Variants in MTSS1 observed in about 807,000 individuals in gnomAD.
MTSS1 encodes the protein protein MTSS 1.
MTSS1 carries 18 observed loss-of-function variants against 79.0 expected under a neutral mutation model. The ratio of observed to expected loss-of-function variants is 0.23; its 90% CI spans 0.16 to 0.34. MTSS1 has a LOEUF of 0.34. MTSS1 is among the 10% of genes least tolerant of loss of function. The pLI is 1.00. For missense variants in MTSS1, 815 were observed against 986.2 expected (o/e 0.83, Z 2.33); for synonymous variants, 341 against 368.6 (o/e 0.93, Z 0.86).
rs552217705 is a variant in MTSS1 at position 124,728,007 on chromosome 8, C to A, written c.-52G>T. The A allele has an allele frequency of 6.7e-5, 103 of 1,542,482 alleles. 2 individuals are homozygous for A. In the South Asian group the frequency reaches 1.1e-3, roughly 16 times the overall value. The stretch of plus-strand genomic sequence containing the variant: ...ACACACGCGGGGCCGCTGGACTGCG[C>A]GCGGGGCCGGGGCTCGCTCACCCCA... On this transcript the variant is annotated 5_prime_UTR_variant, in exon 1 of 14. Transcript: ENST00000518547. This position sits in a 1 kb window ranked among gnomAD's most constrained non-coding sequence, Gnocchi z 6.1.
chr8:124,634,254 C>T (rs781560453), intron 3 of MTSS1, among the ~76,000 whole-genome samples: 13 of 151,484 alleles, frequency 8.6e-5, no homozygotes, highest in Middle Eastern at 3.4e-3. Context: ...GGACTACAGG[C>T]GCACACCATC....
At chr8:124,661,827 G>A (rs957470120) in intron 3 of MTSS1, among the ~76,000 whole-genome samples, 2 of 152,190 alleles carry the variant, frequency 1.3e-5, no homozygotes, top group Non-Finnish European at 2.9e-5. Context: ...TTCAGGACCT[G>A]TCACACTGTA....
chr8:124,692,924 T>C lies in MTSS1; in HGVS notation c.208+6602A>G, dbSNP rs1828195286. ...GAGTTCCTCAGGAAGGAGCAGGTCC[T>C]GTTAGAGGTGTCTCCAATCTGGTGG... On this transcript the variant is annotated intron_variant, in intron 3 of 13. Coordinates refer to ENST00000518547, the MANE Select transcript of MTSS1 (RefSeq NM_014751.6). Among the ~76,000 whole-genome samples, 3 of 152,116 alleles carry C rather than the reference T, an allele frequency of 2.0e-5. No individual in the cohort carries two copies. The South Asian group carries it at 6.2e-4, about 32-fold the overall frequency.
Position 124,591,146 on chromosome 8 carries a change from C to G in MTSS1, c.293+5G>C, listed in dbSNP as rs375527102. On this transcript the variant is annotated splice_donor_5th_base_variant and intron_variant, in intron 4 of 13. Transcript: ENST00000518547. ...TGGCGATCGGGGCCAAAACATGCTC[C>G]TCACCTCGAAAACTGCCTCAGCTTG... 1.7e-5 allele frequency: 28 copies of G among 1,613,984 alleles called. No individual in the cohort carries two copies. The African/African-American group carries it at 3.6e-4, about 21-fold the overall frequency.
At chr8:124,592,916 A>G (rs1259701420) in intron 3 of MTSS1, among the ~76,000 whole-genome samples, 1 of 152,224 alleles carries the variant, frequency 6.6e-6, no homozygotes, top group Non-Finnish European at 1.5e-5. Flanking sequence ...AAATGTCTCC[A>G]GAGAGTACCA....
chr8:124,725,074 C>T (rs972790462), intron 1 of MTSS1, among the ~76,000 whole-genome samples: 2 of 152,206 alleles, frequency 1.3e-5, no homozygotes, highest in East Asian at 1.9e-4. Flanking sequence ...GTAGAATAAA[C>T]GGGAAACAAA....
chr8:124,666,505 C>A (rs1823112929), intron 3 of MTSS1, among the ~76,000 whole-genome samples: 1 of 152,182 alleles, frequency 6.6e-6, no homozygotes, highest in African/African-American at 2.4e-5. Context: ...CAAGCCACGA[C>A]AAAGAGGCTT....
chr8:124,606,139 C>A (rs1834814817), intron 3 of MTSS1, among the ~76,000 whole-genome samples: 1 of 143,834 alleles, frequency 7.0e-6, no homozygotes, highest in Non-Finnish European at 1.5e-5. Flanking sequence ...CCATGCCCAG[C>A]TAATTTTTGT....
rs965321153 is a variant in MTSS1, at chr8:124,557,852, A to G, written c.1059T>C (p.Tyr353=). The G allele has an allele frequency of 9.5e-6, 15 of 1,585,438 alleles. No homozygotes were observed. Among genetic ancestry groups the G allele is most frequent in the Non-Finnish European group, 1.1e-5 (13 of 1,164,658 alleles). Residue 353 remains tyrosine, a synonymous_variant, in exon 11 of 14, where the codon TAT becomes TAC. Coordinates refer to ENST00000518547, the MANE Select transcript of MTSS1 (RefSeq NM_014751.6). ...PNQLSNGFSH[Y]SLSSESHVGP... ...CCACGTGGGACTCACTTGATAAACT[A>G]TAGTGAGAAAACCCGTTAGACAACT...
At chr8:124,694,694 AG>A (rs1404584113) in intron 3 of MTSS1, among the ~76,000 whole-genome samples, 5 of 151,990 alleles carry the variant, frequency 3.3e-5, no homozygotes, top group African/African-American at 1.2e-4. Flanking sequence ...TAAGTAGCCC[AG>A]ACAAATGCAT....
In MTSS1 at chr8:124,596,586, C is replaced by T. The variant is rs555621329; in HGVS notation, c.209-5351G>A. Among the ~76,000 whole-genome samples, 10 of 152,322 alleles carry T rather than the reference C, an allele frequency of 6.6e-5. No homozygotes were observed. In the East Asian group the frequency reaches 1.2e-3, roughly 18 times the overall value. The stretch of plus-strand genomic sequence containing the variant: ...CATATGAAGACACACGATCCACAAG[C>T]GTCCACTGAGTATTTGTATTGGCTT... On this transcript the variant is annotated intron_variant, in intron 3 of 13. Transcript: ENST00000518547.
intron 10 of MTSS1, among the ~76,000 whole-genome samples, chr8:124,559,156 C>G (rs1824711308): frequency 6.6e-6 from 1 of 152,156 alleles, no homozygotes; most frequent in Non-Finnish European, 1.5e-5. Context: ...ATGCCTGGCA[C>G]CGAAATATCT....
chr8:124,598,359 G>T (rs540834042), intron 3 of MTSS1, among the ~76,000 whole-genome samples: 2 of 152,280 alleles, frequency 1.3e-5, no homozygotes, highest in East Asian at 3.9e-4. Flanking sequence ...ATGTTTTGCA[G>T]CCTCCCTGGC....
chr8:124,712,197 A>G (rs1001807048), intron 1 of MTSS1, among the ~76,000 whole-genome samples: 10 of 152,074 alleles, frequency 6.6e-5, no homozygotes, highest in Non-Finnish European at 1.3e-4. Context: ...AGTAGAGTCA[A>G]TCTGGGAGGG....
intron 3 of MTSS1, among the ~76,000 whole-genome samples, chr8:124,614,461 C>T (rs1836472929): frequency 6.6e-6 from 1 of 152,220 alleles, no homozygotes; most frequent in Admixed American, 6.5e-5. Context: ...TCACCTTTGT[C>T]CTCATCATGG....
intron 3 of MTSS1, among the ~76,000 whole-genome samples, chr8:124,628,940 C>T (rs1815287781): frequency 6.6e-6 from 1 of 152,120 alleles, no homozygotes; most frequent in Admixed American, 6.5e-5. Context: ...GTAACACACA[C>T]GGATTTTACA....
chr8:124,636,723 C>T (rs1285172818), intron 3 of MTSS1, among the ~76,000 whole-genome samples: 1 of 152,158 alleles, frequency 6.6e-6, no homozygotes, highest in Non-Finnish European at 1.5e-5. Flanking sequence ...CTTGACAATC[C>T]GAAAGTACCT....
chr8:124,630,643 A>G (rs772356417), intron 3 of MTSS1, among the ~76,000 whole-genome samples: 2 of 152,150 alleles, frequency 1.3e-5, no homozygotes, highest in African/African-American at 4.8e-5. Flanking sequence ...CCCCAGCCAC[A>G]CTACTCACTT....
intron 3 of MTSS1, among the ~76,000 whole-genome samples, chr8:124,650,832 A>C (rs1418389131): frequency 6.6e-6 from 1 of 152,210 alleles, no homozygotes; most frequent in Non-Finnish European, 1.5e-5. Flanking sequence ...CTTGGTAGTT[A>C]ACACAAATGC....
Sources: allele counts gnomAD v4.1 joint callset (sites outside exome capture counted in the v4.1 genomes callset), GRCh38; gene constraint gnomAD v4.1.1; non-coding constraint Gnocchi (gnomAD v3.1); transcripts MANE v1.5; gene names NCBI Gene and HGNC (gene_info 2026-07-23, HGNC 2026-07-21).